The following PTPN11 variants were observed in gnomAD, a reference collection of about 807,000 sequenced individuals.
PTPN11 encodes the protein protein tyrosine phosphatase non-receptor type 11, also known as tyrosine-protein phosphatase non-receptor type 11.
PTPN11 carries 6 observed loss-of-function variants against 78.8 expected under a neutral mutation model. That is an observed-to-expected ratio of 0.08 (90% CI 0.04 to 0.15). The LOEUF is 0.15. Ranked by LOEUF, PTPN11 falls within the 10% of genes least tolerant of loss-of-function variation. PTPN11 has a pLI of 1.00. For synonymous variants in PTPN11, 221 were observed against 263.5 expected, an observed-to-expected ratio of 0.84 and a Z score of 1.56; for missense variants, 386 against 744.8, an observed-to-expected ratio of 0.52 and a Z score of 5.61.
chr12:112,505,052 G>A (rs117179247), intron 15 of PTPN11, among the ~76,000 whole-genome samples: 3,161 of 152,324 alleles, frequency 0.021, 45 homozygotes, highest in Non-Finnish European at 0.028. Flanking sequence ...GCTGATACTG[G>A]TGGTAGAGTG....
At chr12:112,488,733 T>C (rs943106169) in intron 12 of PTPN11, among the ~76,000 whole-genome samples, 13 of 152,164 alleles carry the variant, frequency 8.5e-5, no homozygotes, top group Non-Finnish European at 1.3e-4. Flanking sequence ...CCATGGCCTT[T>C]TGTTGCATAC....
chr12:112,428,273 T>G (rs193163157), intron 1 of PTPN11, among the ~76,000 whole-genome samples: 9 of 152,294 alleles, frequency 5.9e-5, no homozygotes, highest in Admixed American at 5.9e-4. Flanking sequence ...CCACTTCCCC[T>G]CCTTCCAGGT....
intron 7 of PTPN11, 38 bp downstream of exon 7, chr12:112,473,078 G>A (rs1259530693): frequency 6.6e-7 from 1 of 1,507,510 alleles, no homozygotes; most frequent in Non-Finnish European, 9.2e-7. Flanking sequence ...AGTCACTCTT[G>A]GAGATTTTGA....
intron 7 of PTPN11, among the ~76,000 whole-genome samples, chr12:112,473,985 C>T (rs751095110): frequency 1.1e-4 from 16 of 151,544 alleles, no homozygotes; most frequent in East Asian, 2.0e-4. Flanking sequence ...TGGGCTCAAG[C>T]GATTCTCCCA....
At chr12:112,475,561 A>G (rs2038489025) in intron 7 of PTPN11, among the ~76,000 whole-genome samples, 1 of 152,038 alleles carries the variant, frequency 6.6e-6, no homozygotes, top group Non-Finnish European at 1.5e-5. Flanking sequence ...GGCTATGCAT[A>G]CTATATTTAT....
At chr12:112,474,519 TACC>T (rs1372983642) in intron 7 of PTPN11, among the ~76,000 whole-genome samples, 3 of 152,230 alleles carry the variant, frequency 2.0e-5, no homozygotes, top group Admixed American at 2.0e-4. Flanking sequence ...TGCCTGGCTG[TACC>T]TTCTGTAACA....
intron 10 of PTPN11, among the ~76,000 whole-genome samples, chr12:112,485,782 G>C (rs1010435598): frequency 2.0e-5 from 3 of 152,224 alleles, no homozygotes; most frequent in Non-Finnish European, 1.5e-5. Context: ...TTTGCAACCA[G>C]CCTGGCCAAT....
chr12:112,438,376 A>C (rs961734613), intron 1 of PTPN11, among the ~76,000 whole-genome samples: 2 of 152,010 alleles, frequency 1.3e-5, no homozygotes, highest in African/African-American at 2.4e-5. Flanking sequence ...GCTGGAGTGC[A>C]GTGGCGTCTT....
intron 7 of PTPN11, among the ~76,000 whole-genome samples, chr12:112,475,678 C>A (rs1285545397): frequency 1.3e-5 from 2 of 152,226 alleles, no homozygotes; most frequent in Non-Finnish European, 2.9e-5. Flanking sequence ...GAGCATTGCT[C>A]TCATGTCTTA....
intron 10 of PTPN11, among the ~76,000 whole-genome samples, chr12:112,483,161 T>C: frequency 6.6e-6 from 1 of 151,730 alleles, no homozygotes; most frequent in East Asian, 1.9e-4. Flanking sequence ...TGCAGGAGTT[T>C]AGGGTTCATT....
In PTPN11 at chr12:112,456,191, T is replaced by G. The variant is rs149130507; in HGVS notation, c.756+128T>G. Reference sequence around the variant, plus strand: ...TGACGTCCTTTTTTAATTCGGCCATTGATTGACACGGAGCAAGTTGCTGAG... The same window carrying G: ...TGACGTCCTTTTTTAATTCGGCCATGGATTGACACGGAGCAAGTTGCTGAG... On this transcript the variant is annotated intron_variant, in intron 6 of 15. Transcript: ENST00000351677. 5,416 of 719,118 alleles carry G rather than the reference T, an allele frequency of 7.5e-3. 44 individuals carry two copies. Among genetic ancestry groups the G allele is most frequent in the Non-Finnish European group, 7.2e-3 (2,838 of 395,296 alleles). The allele number at this position is 719,118 out of a possible 1,614,324, so 44.5% of individuals were successfully genotyped here.
At chr12:112,453,487 CTTTTATTT>C in intron 4 of PTPN11, 100 bp downstream of exon 4, 2 of 899,296 alleles carry the variant, frequency 2.2e-6, no homozygotes, top group South Asian at 3.2e-5. Context: ...GTCAGATTGT[CTTTTATTT>C]ATTTATTTAT....
At position 112,472,906 on chromosome 12, in the gene PTPN11, T is replaced by C. The variant is rs561136680; in HGVS notation, c.757-38T>C. 53 of 1,487,722 alleles carry C rather than the reference T, an allele frequency of 3.6e-5. No homozygotes were observed. The South Asian group carries it at 6.0e-4, about 17-fold the overall frequency. 92.2% of individuals were successfully genotyped at this position (1,487,722 alleles called of 1,614,324 possible). The stretch of plus-strand genomic sequence containing the variant: ...AGGCTTTTTTCTTTTTCTGTGACTC[T>C]TTGACACGTAATAATATTGACTTTT... On this transcript the variant is annotated intron_variant, in intron 6 of 15. Transcript: ENST00000351677.
In PTPN11 at chr12:112,425,716, C is replaced by G. The variant is rs543940082; in HGVS notation, c.14+6591C>G. Reference sequence around the variant, plus strand: ...CCACCCTGAAATTAGACTTTGGATCCCTAGTTTAAATTCCACCCCTCTCTT... The same window carrying G: ...CCACCCTGAAATTAGACTTTGGATCGCTAGTTTAAATTCCACCCCTCTCTT... On this transcript the variant is annotated intron_variant, in intron 1 of 15. Transcript: ENST00000351677. 2.0e-5 allele frequency among the ~76,000 whole-genome samples: 3 copies of G among 151,952 alleles called. No individual in the cohort carries two copies. In the South Asian group the frequency reaches 6.2e-4, roughly 32 times the overall value.
Position 112,482,187 on chromosome 12 carries a change from A to G in PTPN11, c.1206A>G (p.Lys402=). Residue 402 remains lysine, a synonymous_variant, in exon 10 of 16, where the codon AAA becomes AAG. Transcript: ENST00000351677. The surrounding 1 kb of genome is among the most constrained non-coding windows in gnomAD (Gnocchi z 4.4). ...ATGACTATACGCTAAGAGAACTTAA[A>G]CTTTCAAAGGTTGGACAAGTAAGTA... is the stretch of plus-strand genomic sequence containing the variant. The part of the protein sequence containing the change: ...AAHDYTLREL[K]LSKVGQGNTE... 6.2e-7 allele frequency: 1 copy of G among 1,613,648 alleles called. No individual in the cohort carries two copies. Among genetic ancestry groups the G allele is most frequent in the South Asian group, 1.1e-5 (1 of 91,080 alleles).
rs2037917251 is a variant in PTPN11 at position 112,442,830 on chromosome 12, T to TA, written c.15-3446_15-3445insA. 1.4e-3 allele frequency among the ~76,000 whole-genome samples: 59 copies of TA among 43,528 alleles called. 1 individual carries two copies. Among genetic ancestry groups the TA allele is most frequent in the African/African-American group, 3.6e-3 (50 of 14,000 alleles). 28.6% of individuals were successfully genotyped at this position (43,528 alleles called of 152,430 possible). The stretch of plus-strand genomic sequence containing the variant: ...CTCTCTCCTCTCTCTCTCTCTCTTT[T>TA]TATATATATATATATATATATATAT... On this transcript the variant is annotated intron_variant, in intron 1 of 15. Coordinates refer to ENST00000351677, the MANE Select transcript of PTPN11 (RefSeq NM_002834.5).
rs2038446356 is a variant in PTPN11 at position 112,473,139 on chromosome 12, A to G, written c.853+99A>G. On this transcript the variant is annotated intron_variant, in intron 7 of 15. Transcript: ENST00000351677. ...CAGGGTCGTGTGCTCTTGTTAGCAC[A>G]TCGGAGGCCTTAGCTTCTTTAATTG... The G allele has an allele frequency of 6.2e-5, 60 of 975,138 alleles. No homozygotes were observed. In the South Asian group the frequency reaches 7.7e-4, roughly 13 times the overall value. 60.4% of individuals were successfully genotyped at this position (975,138 alleles called of 1,614,324 possible). A position where few individuals can be genotyped will look rare whatever the true frequency, so the allele number is the denominator to read the frequency against.
chr12:112,461,345 T>C (rs1035311736), intron 6 of PTPN11, among the ~76,000 whole-genome samples: 3 of 151,782 alleles, frequency 2.0e-5, no homozygotes, highest in Non-Finnish European at 4.4e-5. Flanking sequence ...TTTCTTTTTT[T>C]TTTTTTTGAG....
At position 112,506,679 on chromosome 12, in the gene PTPN11, C is replaced by T. The variant is rs567777121; in HGVS notation, c.*887C>T. ...ACTGTTAGTCAATCTGAGCTGGGCTCAGCTGGGCTGTTCTTCTGCCAGCCT... is the reference window on the plus strand; with the variant it reads ...ACTGTTAGTCAATCTGAGCTGGGCTTAGCTGGGCTGTTCTTCTGCCAGCCT... On this transcript the variant is annotated 3_prime_UTR_variant, in exon 16 of 16. Coordinates refer to ENST00000351677, the MANE Select transcript of PTPN11 (RefSeq NM_002834.5). 6.6e-6 allele frequency: 1 copy of T among 152,388 alleles called. No individual in the cohort carries two copies. Among genetic ancestry groups the T allele is most frequent in the African/African-American group, 2.4e-5 (1 of 41,570 alleles). The allele number at this position is 152,388 out of a possible 1,614,324, so 9.4% of individuals were successfully genotyped here.
Sources: gnomAD v4.1 joint callset for allele counts (sites outside exome capture counted in the v4.1 genomes callset) on GRCh38, gnomAD v4.1.1 for gene constraint, Gnocchi (gnomAD v3.1) non-coding constraint, MANE v1.5 for transcripts, NCBI Gene and HGNC (gene_info 2026-07-23, HGNC 2026-07-21) for gene names.